KATNAL1: variants seen among roughly 807,000 people sequenced by gnomAD.
KATNAL1 encodes the protein katanin catalytic subunit A1 like 1.
In KATNAL1, 32 loss-of-function variants were observed where a neutral mutation model predicts 55.2. The observed-to-expected ratio is 0.58, with a 90% CI of 0.44 to 0.78. The LOEUF is 0.78. KATNAL1 is among the 30% of genes least tolerant of loss of function. The probability of loss-of-function intolerance (pLI) is 0.00; values close to 1 mark genes in which losing one functional copy is unlikely to be tolerated. For missense variants in KATNAL1, 466 were observed against 600.9 expected (o/e 0.78, Z 2.35); for synonymous variants, 193 against 193.6 (o/e 1.00, Z 0.02).
intron 4 of KATNAL1, among the ~76,000 whole-genome samples, chr13:30,249,430 T>C (rs1196704938): frequency 6.6e-6 from 1 of 152,124 alleles, no homozygotes; most frequent in East Asian, 1.9e-4. Context: ...TGCATATATA[T>C]GTCAAAGGAT....
intron 10 of KATNAL1, 102 bp downstream of exon 10, chr13:30,210,213 CT>C: frequency 1.1e-6 from 1 of 896,488 alleles, no homozygotes; most frequent in Non-Finnish European, 1.6e-6. Context: ...TGGGTAGCTG[CT>C]TTCATGTCTA....
At chr13:30,291,920 A>G (rs1249608273) in intron 1 of KATNAL1, among the ~76,000 whole-genome samples, 1 of 152,090 alleles carries the variant, frequency 6.6e-6, no homozygotes, top group Non-Finnish European at 1.5e-5. Flanking sequence ...CTGTAATCCC[A>G]GCTACTCGGG....
chr13:30,223,441 CAAAAAAAAA>C (rs34451447), intron 9 of KATNAL1, among the ~76,000 whole-genome samples: 5 of 48,772 alleles, frequency 1.0e-4, no homozygotes, highest in Non-Finnish European at 1.7e-4. Context: ...GACTCCATCT[CAAAAAAAAA>C]AAAAAAAAAA....
intron 9 of KATNAL1, among the ~76,000 whole-genome samples, chr13:30,227,017 A>C (rs1403727305): frequency 1.3e-5 from 2 of 152,168 alleles, no homozygotes; most frequent in South Asian, 4.1e-4. Context: ...TGGAGGTTGC[A>C]GTGACCTGAG....
chr13:30,294,810 TG>T (rs1250603510), intron 1 of KATNAL1, among the ~76,000 whole-genome samples: 1 of 152,176 alleles, frequency 6.6e-6, no homozygotes, highest in Non-Finnish European at 1.5e-5. Flanking sequence ...GCTGACGACT[TG>T]AAGTTGAAGC....
In KATNAL1 at chr13:30,296,216, G is replaced by A. The variant is rs556669514; in HGVS notation, c.-15+11115C>T. ...CAAGGCCACATCCATGGTGGATGGCGCCTTCAAAGAGGTGAAGCTGTCAGA... is the reference window on the plus strand; with the variant it reads ...CAAGGCCACATCCATGGTGGATGGCACCTTCAAAGAGGTGAAGCTGTCAGA... On this transcript the variant is annotated intron_variant, in intron 1 of 10. Transcript: ENST00000380615. 70 of 841,766 alleles carry A rather than the reference G, an allele frequency of 8.3e-5. No individual in the cohort carries two copies. In the African/African-American group the frequency reaches 9.0e-4, roughly 11 times the overall value. 52.1% of individuals were successfully genotyped at this position (841,766 alleles called of 1,614,324 possible). A position where few individuals can be genotyped will look rare whatever the true frequency, so the allele number is the denominator to read the frequency against.
intron 3 of KATNAL1, among the ~76,000 whole-genome samples, chr13:30,264,616 G>GA (rs1333420455): frequency 6.7e-6 from 1 of 149,582 alleles, no homozygotes; most frequent in African/African-American, 2.5e-5. Flanking sequence ...AACAACACAT[G>GA]AAAAAATGCT....
At chr13:30,282,640 T>TA (rs1193595169) in intron 2 of KATNAL1, among the ~76,000 whole-genome samples, 345 of 130,118 alleles carry the variant, frequency 2.7e-3, no homozygotes, top group East Asian at 9.6e-3. Flanking sequence ...CCTGTCTCTT[T>TA]AAAAAAAAAA....
chr13:30,289,322 A>C (rs887930379), intron 1 of KATNAL1, among the ~76,000 whole-genome samples: 5 of 152,216 alleles, frequency 3.3e-5, no homozygotes, highest in African/African-American at 1.2e-4. Context: ...CCAAAAGACT[A>C]ACAGTCTTAA....
chr13:30,284,021 C>A (rs1472545165), intron 1 of KATNAL1, among the ~76,000 whole-genome samples: 2 of 151,796 alleles, frequency 1.3e-5, no homozygotes. Context: ...CCACCATGCC[C>A]GGCTAATTTT....
chr13:30,250,644 GAA>G (rs1878212038), intron 4 of KATNAL1, among the ~76,000 whole-genome samples: 1 of 152,054 alleles, frequency 6.6e-6, no homozygotes. Context: ...TCATGAGAAG[GAA>G]AGTCTTCTCA....
intron 10 of KATNAL1, 138 bp downstream of exon 10, chr13:30,210,178 C>A: frequency 1.8e-6 from 1 of 567,936 alleles, no homozygotes. Flanking sequence ...AAAAAAGGGA[C>A]AAATGGGAAA....
At position 30,203,824 on chromosome 13, in the gene KATNAL1, C is replaced by T. The variant is rs1321582531; in HGVS notation, c.*4716G>A. On this transcript the variant is annotated 3_prime_UTR_variant, in exon 11 of 11. Coordinates refer to ENST00000380615, the MANE Select transcript of KATNAL1 (RefSeq NM_032116.5). ...AATGTTTAAAAATATATCTATTATC[C>T]TAATAATTTGATTATTAAAATACAC... The T allele has an allele frequency of 6.6e-6, 1 of 151,776 alleles. No individual in the cohort carries two copies. The highest frequency in any genetic ancestry group is 1.5e-5 in the Non-Finnish European group (1 of 67,956). 9.4% of individuals were successfully genotyped at this position (151,776 alleles called of 1,614,324 possible).
chr13:30,244,852 GA>G (rs1877628238), intron 4 of KATNAL1, among the ~76,000 whole-genome samples: 1 of 152,076 alleles, frequency 6.6e-6, no homozygotes, highest in African/African-American at 2.4e-5. Context: ...AAACCAGGAA[GA>G]AGTCAAATCC....
chr13:30,270,965 C>T (rs1224908027), intron 3 of KATNAL1, among the ~76,000 whole-genome samples: 1 of 148,396 alleles, frequency 6.7e-6, no homozygotes, highest in African/African-American at 2.5e-5. Flanking sequence ...ACTAAGGGAA[C>T]AAGAGTGGTG....
chr13:30,265,413 A>C (rs1426306515), intron 3 of KATNAL1, among the ~76,000 whole-genome samples: 1 of 93,246 alleles, frequency 1.1e-5, no homozygotes, highest in African/African-American at 3.0e-5. Context: ...AAAATTAAAA[A>C]AAAAGAAAAA....
At chr13:30,232,077 GAATA>G (rs1401149700) in intron 6 of KATNAL1, among the ~76,000 whole-genome samples, 11 of 152,130 alleles carry the variant, frequency 7.2e-5, no homozygotes, top group African/African-American at 2.4e-4. Flanking sequence ...AACCAGTACA[GAATA>G]AAAACTAAAC....
At chr13:30,261,766 A>G (rs1466354206) in intron 3 of KATNAL1, among the ~76,000 whole-genome samples, 2 of 152,294 alleles carry the variant, frequency 1.3e-5, no homozygotes, top group Non-Finnish European at 2.9e-5. Flanking sequence ...CACATTAATA[A>G]TGGGAGACTT....
chr13:30,211,577 CA>C (rs1201846622), intron 9 of KATNAL1, among the ~76,000 whole-genome samples: 2 of 152,178 alleles, frequency 1.3e-5, no homozygotes, highest in African/African-American at 4.8e-5. Flanking sequence ...TCATCTAAAA[CA>C]GTTCCCCAGT....
Sources: allele counts gnomAD v4.1 joint callset (sites outside exome capture counted in the v4.1 genomes callset), GRCh38; gene constraint gnomAD v4.1.1; transcripts MANE v1.5; gene names NCBI Gene and HGNC (gene_info 2026-07-23, HGNC 2026-07-21).